LRP1B: variants seen among roughly 807,000 people sequenced by gnomAD.
LRP1B encodes low-density lipoprotein receptor-related protein 1B.
A neutral mutation model predicts 556.6 loss-of-function variants in LRP1B; 217 were observed. The ratio of observed to expected loss-of-function variants is 0.39; its 90% CI spans 0.35 to 0.44. LRP1B has a LOEUF of 0.44. Among genes scored for constraint, LRP1B ranks in the 20% least tolerant of loss-of-function variants. The probability of loss-of-function intolerance (pLI) is 1.00; values close to 1 mark genes in which losing one functional copy is unlikely to be tolerated. For missense variants in LRP1B, 5,053 were observed against 5,620.8 expected (o/e 0.90, Z 3.23); for synonymous variants, 2,047 against 1,865.8 (o/e 1.10, Z -2.50).
chr2:140,482,143 A>T (rs1402130951), intron 59 of LRP1B, among the ~76,000 whole-genome samples: 1 of 123,208 alleles, frequency 8.1e-6, no homozygotes, highest in Non-Finnish European at 1.9e-5. Context: ...ACAGGGGACC[A>T]TGCATTTTAT....
intron 2 of LRP1B, among the ~76,000 whole-genome samples, chr2:141,600,090 A>G (rs930256845): frequency 1.3e-5 from 2 of 152,170 alleles, no homozygotes; most frequent in Admixed American, 1.3e-4. Flanking sequence ...CAACATCACA[A>G]ATAAGTGAAA....
intron 55 of LRP1B, among the ~76,000 whole-genome samples, chr2:140,499,681 T>C (rs1013454222): frequency 6.6e-6 from 1 of 151,866 alleles, no homozygotes; most frequent in Non-Finnish European, 1.5e-5. Flanking sequence ...ATGCTAAGTA[T>C]TTGTGTATCT....
intron 7 of LRP1B, among the ~76,000 whole-genome samples, chr2:141,080,321 T>A (rs1365265416): frequency 6.6e-6 from 1 of 152,190 alleles, no homozygotes; most frequent in East Asian, 1.9e-4. Context: ...CCTAACTTTA[T>A]GTAGTTAGCA....
intron 32 of LRP1B, among the ~76,000 whole-genome samples, chr2:140,797,306 G>T (rs1690350776): frequency 6.6e-6 from 1 of 151,978 alleles, no homozygotes; most frequent in Admixed American, 6.6e-5. Context: ...AATTTTAACT[G>T]CTATATTCCA....
rs572868180 is a variant in LRP1B at position 140,859,926 on chromosome 2, C to T, written c.4579+7664G>A. ...AGGAGAATGGTGTGAACCCGGGAGGCGGAGCTTGCAGTGAGCGGAGATCGC... is the reference window on the plus strand; with the variant it reads ...AGGAGAATGGTGTGAACCCGGGAGGTGGAGCTTGCAGTGAGCGGAGATCGC... On this transcript the variant is annotated intron_variant, in intron 27 of 90. Transcript: ENST00000389484. 4.6e-5 allele frequency among the ~76,000 whole-genome samples: 7 copies of T among 152,020 alleles called. 1 individual carries two copies. Among genetic ancestry groups the T allele is most frequent in the South Asian group, 4.2e-4 (2 of 4,818 alleles).
intron 2 of LRP1B, among the ~76,000 whole-genome samples, chr2:141,574,871 T>A (rs1003037761): frequency 6.6e-6 from 1 of 151,918 alleles, no homozygotes; most frequent in African/African-American, 2.4e-5. Flanking sequence ...ACAAAGAGAA[T>A]AGAATACCTA....
At chr2:140,334,645 C>T (rs1573808827) in intron 78 of LRP1B, 86 bp from the exon 79 acceptor site, 1 of 661,676 alleles carries the variant, frequency 1.5e-6, no homozygotes, top group East Asian at 3.0e-5. Context: ...CTCTTCAGAC[C>T]ACGTGCCTCA....
chr2:140,452,293 A>G (rs1686917752), intron 62 of LRP1B, among the ~76,000 whole-genome samples: 1 of 152,142 alleles, frequency 6.6e-6, no homozygotes, highest in Non-Finnish European at 1.5e-5. Context: ...TTTTCTCAGT[A>G]CCATTCAGAT....
intron 21 of LRP1B, among the ~76,000 whole-genome samples, chr2:140,916,047 A>C (rs1165728028): frequency 5.9e-5 from 9 of 152,122 alleles, no homozygotes; most frequent in African/African-American, 2.2e-4. Flanking sequence ...AACAAACAAA[A>C]AAAGTCACTG....
chr2:140,253,645 G>A (rs994260251), intron 86 of LRP1B, among the ~76,000 whole-genome samples: 1 of 152,080 alleles, frequency 6.6e-6, no homozygotes, highest in African/African-American at 2.4e-5. Flanking sequence ...GATGGAAAAT[G>A]TTTATCATCT....
chr2:141,762,963 CAATT>C (rs1385656194), intron 2 of LRP1B, among the ~76,000 whole-genome samples: 1 of 152,188 alleles, frequency 6.6e-6, no homozygotes, highest in Non-Finnish European at 1.5e-5. Context: ...ATTGCTATGA[CAATT>C]AATGAACCAG....
chr2:141,713,172 G>A (rs574119129), intron 2 of LRP1B, among the ~76,000 whole-genome samples: 1 of 151,290 alleles, frequency 6.6e-6, no homozygotes, highest in East Asian at 2.0e-4. Flanking sequence ...AGGGGTGTGA[G>A]CCACCATGCC....
At chr2:140,942,699 G>A (rs574753255) in intron 20 of LRP1B, among the ~76,000 whole-genome samples, 2 of 108,930 alleles carry the variant, frequency 1.8e-5, no homozygotes, top group South Asian at 6.7e-4. Flanking sequence ...CTTCATAAAT[G>A]AAGGAGAAAT....
Position 141,013,611 on chromosome 2 carries a change from C to T in LRP1B, c.2325G>A (p.Arg775=), listed in dbSNP as rs773725617. The change falls in exon 14 of 91, where the codon AGG becomes AGA. Residue 775 remains arginine (R), a synonymous_variant. Coordinates refer to ENST00000389484, the MANE Select transcript of LRP1B (RefSeq NM_018557.3). ...GCCCAAATAGGGGTGGTCTTTCATG[C>T]CTCAGCAATGTCACCTCACTTGTTA... ...DLITSEVTLL[R]HERPPLFGLQ... 2.5e-6 allele frequency: 4 copies of T among 1,612,200 alleles called. No individual in the cohort carries two copies. The highest frequency in any genetic ancestry group is 1.3e-5 in the African/African-American group (1 of 74,910).
chr2:142,112,005 G>A (rs1707004858), intron 1 of LRP1B, among the ~76,000 whole-genome samples: 1 of 151,974 alleles, frequency 6.6e-6, no homozygotes, highest in Non-Finnish European at 1.5e-5. Context: ...ACACCATATT[G>A]CCACTGAGTA....
chr2:141,159,404 T>C (rs1167270843), intron 7 of LRP1B, among the ~76,000 whole-genome samples: 1 of 152,114 alleles, frequency 6.6e-6, no homozygotes, highest in African/African-American at 2.4e-5. Context: ...TTTTTTTGTT[T>C]GTTTGTTTTT....
intron 70 of LRP1B, 51 bp downstream of exon 70, chr2:140,371,128 C>A (rs950526199): frequency 8.1e-7 from 1 of 1,234,246 alleles, no homozygotes; most frequent in South Asian, 1.5e-5. Flanking sequence ...ATTTGTTTGC[C>A]CAAACCTAAT....
chr2:141,671,995 G>C (rs1690690791), intron 2 of LRP1B, among the ~76,000 whole-genome samples: 1 of 151,906 alleles, frequency 6.6e-6, no homozygotes, highest in African/African-American at 2.4e-5. Context: ...CAGGGAGGCA[G>C]ATATTAGGAA....
chr2:141,355,580 A>G (rs958899898), intron 3 of LRP1B, among the ~76,000 whole-genome samples: 8 of 152,142 alleles, frequency 5.3e-5, no homozygotes, highest in Admixed American at 6.6e-5. Flanking sequence ...TGCTTCATGG[A>G]TGAATGTTAG....
Sources: allele counts gnomAD v4.1 joint callset (sites outside exome capture counted in the v4.1 genomes callset), GRCh38; gene constraint gnomAD v4.1.1; transcripts MANE v1.5; gene names NCBI Gene and HGNC (gene_info 2026-07-23, HGNC 2026-07-21).